Variants in KCTD10 observed in about 807,000 individuals in gnomAD.
KCTD10 encodes the protein potassium channel tetramerization domain containing 10, also known as BTB/POZ domain-containing adapter for CUL3-mediated RhoA degradation protein 3.
Under a neutral mutation model 34.6 loss-of-function variants are expected in KCTD10, and 13 were observed. That is an observed-to-expected ratio of 0.38 (90% CI 0.24 to 0.60). The LOEUF is 0.60. Among genes scored for constraint, KCTD10 ranks in the 20% least tolerant of loss-of-function variants. KCTD10 has a pLI of 0.66. For synonymous variants in KCTD10, 156 were observed against 168.8 expected, an observed-to-expected ratio of 0.92 and a Z score of 0.59; for missense variants, 256 against 420.3, an observed-to-expected ratio of 0.61 and a Z score of 3.42.
At chr12:109,453,876 A>G (rs1872899850) in intron 6 of KCTD10, among the ~76,000 whole-genome samples, 1 of 152,218 alleles carries the variant, frequency 6.6e-6, no homozygotes, top group African/African-American at 2.4e-5. Flanking sequence ...GCAGACTGAA[A>G]GAACTGAATG....
intron 1 of KCTD10, among the ~76,000 whole-genome samples, chr12:109,473,417 C>T (rs964875110): frequency 6.6e-6 from 1 of 152,192 alleles, no homozygotes; most frequent in South Asian, 2.1e-4. Context: ...TGAGTAAACA[C>T]TCCAAACACT....
In KCTD10 at chr12:109,456,015, C is replaced by T. The variant is rs546407295; in HGVS notation, c.723+103G>A. 8.8e-5 allele frequency: 99 copies of T among 1,118,954 alleles called. 1 individual carries two copies. In the South Asian group the frequency reaches 1.5e-3, roughly 17 times the overall value. 69.3% of individuals were successfully genotyped at this position (1,118,954 alleles called of 1,614,324 possible). On this transcript the variant is annotated intron_variant, in intron 6 of 6. Transcript: ENST00000228495. ...ATGAGCAATCACAAGGCAAGCAAAGCATTTTAAAAGCATTTCCCTCTGTAT... is the reference window on the plus strand; with the variant it reads ...ATGAGCAATCACAAGGCAAGCAAAGTATTTTAAAAGCATTTCCCTCTGTAT...
intron 1 of KCTD10, chr12:109,471,165 T>C (rs2135680166): frequency 1.0e-6 from 1 of 985,454 alleles, no homozygotes; most frequent in South Asian, 4.7e-5. Flanking sequence ...CCAGATTTTC[T>C]ATAATGAATG....
chr12:109,469,026 A>G lies in KCTD10; in HGVS notation c.217+489T>C, dbSNP rs1289727751. The G allele has an allele frequency of 4.5e-5, 7 of 154,066 alleles. No homozygotes were observed. In the East Asian group the frequency reaches 1.4e-3, roughly 30 times the overall value. The allele number at this position is 154,066 out of a possible 1,614,324, so 9.5% of individuals were successfully genotyped here. A position where few individuals can be genotyped will look rare whatever the true frequency, so the allele number is the denominator to read the frequency against. On this transcript the variant is annotated intron_variant, in intron 2 of 6. Coordinates refer to ENST00000228495, the MANE Select transcript of KCTD10 (RefSeq NM_031954.5). The stretch of plus-strand genomic sequence containing the variant: ...TGTGTGTGTGTGTGTATATCTATCT[A>G]TCTATCTACACACACACATATACAC...
In KCTD10 at chr12:109,455,063, G is replaced by A. The variant is rs373943437; in HGVS notation, c.723+1055C>T. On this transcript the variant is annotated intron_variant, in intron 6 of 6. Transcript: ENST00000228495. ...CCTGAAAAAAAAAAAACAGTTCACA[G>A]GAGAAAAGGGGCATGATGTCTTGCC... Among the ~76,000 whole-genome samples the A allele has an allele frequency of 4.0e-5, 6 of 151,702 alleles. No individual in the cohort carries two copies. In the East Asian group the frequency reaches 1.2e-3, roughly 29 times the overall value.
intron 5 of KCTD10, 120 bp from the exon 6 acceptor site, chr12:109,456,433 A>C: frequency 1.2e-6 from 1 of 804,466 alleles, no homozygotes; most frequent in Non-Finnish European, 2.1e-6. Flanking sequence ...TTTCAACCTC[A>C]CAATAATCCC....
intron 1 of KCTD10, among the ~76,000 whole-genome samples, chr12:109,472,881 T>C (rs1246608588): frequency 6.6e-6 from 1 of 152,204 alleles, no homozygotes; most frequent in Non-Finnish European, 1.5e-5. Flanking sequence ...AATTTGCACA[T>C]AATGAAGTAT....
chr12:109,450,240 CCT>C lies in KCTD10; in HGVS notation c.*1353_*1354del, dbSNP rs900058411. On this transcript the variant is annotated 3_prime_UTR_variant, in exon 7 of 7. Transcript: ENST00000228495. ...TCTACCTAGTCTAGTCTCAACCACC[CCT>C]GTCAGTCACGACTCACTCCTGTTCC... 17 of 398,496 alleles carry C rather than the reference CCT, an allele frequency of 4.3e-5. No individual in the cohort carries two copies. Among genetic ancestry groups the C allele is most frequent in the South Asian group, 1.3e-4 (1 of 7,854 alleles). The allele number at this position is 398,496 out of a possible 1,614,324, so 24.7% of individuals were successfully genotyped here.
Position 109,450,052 on chromosome 12 carries a change from A to G in KCTD10, c.*1543T>C. Reference sequence around the variant, plus strand: ...TACAACTGTCACAGGCAGGGCAGTAAGTACAAAGTCTAAGCTGTAAAAACC... The same window carrying G: ...TACAACTGTCACAGGCAGGGCAGTAGGTACAAAGTCTAAGCTGTAAAAACC... On this transcript the variant is annotated 3_prime_UTR_variant, in exon 7 of 7. Transcript: ENST00000228495. The G allele has an allele frequency of 2.6e-6, 1 of 384,508 alleles. No homozygotes were observed. The highest frequency in any genetic ancestry group is 4.6e-6 in the Non-Finnish European group (1 of 217,446). The allele number at this position is 384,508 out of a possible 1,614,324, so 23.8% of individuals were successfully genotyped here. A position where few individuals can be genotyped will look rare whatever the true frequency, so the allele number is the denominator to read the frequency against.
chr12:109,461,948 G>A (rs1873349492), intron 2 of KCTD10, among the ~76,000 whole-genome samples: 1 of 152,088 alleles, frequency 6.6e-6, no homozygotes, highest in Non-Finnish European at 1.5e-5. Context: ...TGGGAGAAGG[G>A]CCAACATTTC....
chr12:109,464,951 C>A, intron 2 of KCTD10: 1 of 433,960 alleles, frequency 2.3e-6, no homozygotes, highest in Non-Finnish European at 4.6e-6. Context: ...TAGGGCTGAG[C>A]TCCCAACAGT....
Position 109,450,569 on chromosome 12 carries a change from G to A in KCTD10, c.*1026C>T, listed in dbSNP as rs1872721598. On this transcript the variant is annotated 3_prime_UTR_variant, in exon 7 of 7. Coordinates refer to ENST00000228495, the MANE Select transcript of KCTD10 (RefSeq NM_031954.5). ...AGGGAAGCTCCCTGGGGCTGGTGGT[G>A]TGAGGGTGTCCCTGCCTGGATGCCA... 5.1e-5 allele frequency: 20 copies of A among 394,000 alleles called. No homozygotes were observed. The East Asian group carries it at 6.8e-4, about 13-fold the overall frequency. The allele number at this position is 394,000 out of a possible 1,614,324, so 24.4% of individuals were successfully genotyped here.
At chr12:109,457,454 T>C in intron 5 of KCTD10, 176 bp downstream of exon 5, 1 of 598,602 alleles carries the variant, frequency 1.7e-6, no homozygotes, top group Middle Eastern at 4.5e-4. Flanking sequence ...TTTTATGATA[T>C]GTGTGAATTA....
intron 1 of KCTD10, among the ~76,000 whole-genome samples, chr12:109,476,228 G>A (rs1592852836): frequency 6.6e-6 from 1 of 152,198 alleles, no homozygotes; most frequent in South Asian, 2.1e-4. Flanking sequence ...CAGAGTTTGA[G>A]AACCACTGGT....
chr12:109,465,001 T>C (rs1262095773), intron 2 of KCTD10: 1 of 356,808 alleles, frequency 2.8e-6, no homozygotes, highest in African/African-American at 2.2e-5. Flanking sequence ...GATGGCTGGG[T>C]GGGATCTAGG....
Position 109,451,412 on chromosome 12 carries a change from C to A in KCTD10, c.*183G>T, listed in dbSNP as rs560432985. 1 of 589,374 alleles carries A rather than the reference C, an allele frequency of 1.7e-6. No homozygotes were observed. The highest frequency in any genetic ancestry group is 3.3e-5 in the Admixed American group (1 of 30,148). The allele number at this position is 589,374 out of a possible 1,614,324, so 36.5% of individuals were successfully genotyped here. On this transcript the variant is annotated 3_prime_UTR_variant, in exon 7 of 7. Transcript: ENST00000228495. The surrounding 1 kb of genome is among the most constrained non-coding windows in gnomAD (Gnocchi z 5.0). ...AGCTTGTTCAACGACAGGGGTCATA[C>A]GCCTGGGTCAAGACAATCAATTTGC...
chr12:109,456,633 G>T (rs1873032272), intron 5 of KCTD10: 6 of 406,880 alleles, frequency 1.5e-5, no homozygotes, highest in South Asian at 1.3e-4. Flanking sequence ...CCAGGTGGAG[G>T]AGAGCACCTC....
rs780436105 is a variant in KCTD10, at chr12:109,458,060, G to T, written c.406C>A (p.Pro136Thr). 2 of 1,614,026 alleles carry T rather than the reference G, an allele frequency of 1.2e-6. No homozygotes were observed. The highest frequency in any genetic ancestry group is 4.5e-5 in the East Asian group (2 of 44,878). The part of the protein sequence containing the change: ...AALQNKDTYE[P>T]FCKVPVITSS... ...GTGATCACAGGGACCTTGCAGAAAGGCTCATAAGTATCTTTGTTCTGCTGG... is the reference window on the plus strand; with the variant it reads ...GTGATCACAGGGACCTTGCAGAAAGTCTCATAAGTATCTTTGTTCTGCTGG... Residue 136 changes from proline (P) to threonine (T), a missense_variant, in exon 4 of 7, where the codon CCT (proline) becomes ACT (threonine). By Grantham distance (38) the Pro-to-Thr change is conservative. Around this residue, in one of 3 missense-constraint regions of KCTD10, gnomAD observed 155 missense variants for 207.0 expected, o/e 0.75. Transcript: ENST00000228495.
chr12:109,456,009 G>T, intron 6 of KCTD10, 109 bp downstream of exon 6: 1 of 1,072,818 alleles, frequency 9.3e-7, no homozygotes, highest in South Asian at 1.6e-5. Flanking sequence ...CACAAGGCAA[G>T]CAAAGCATTT....
Sources: allele counts gnomAD v4.1 joint callset (sites outside exome capture counted in the v4.1 genomes callset), GRCh38; gene constraint gnomAD v4.1.1; regional missense constraint gnomAD v4.1.1; non-coding constraint Gnocchi (gnomAD v3.1); transcripts MANE v1.5; gene names NCBI Gene and HGNC (gene_info 2026-07-23, HGNC 2026-07-21).